The following SMURF2 variants were observed in gnomAD, a reference collection of about 807,000 sequenced individuals.
SMURF2 encodes SMAD specific E3 ubiquitin protein ligase 2.
In SMURF2, 48 loss-of-function variants were observed where a neutral mutation model predicts 109.6. The observed-to-expected ratio is 0.44, with a 90% confidence interval of 0.35 to 0.56. The LOEUF is 0.56. Among genes scored for constraint, SMURF2 ranks in the 20% least tolerant of loss-of-function variants. The pLI, the probability that SMURF2 is intolerant of heterozygous loss-of-function variation, is 0.01. For synonymous variants in SMURF2, 288 were observed against 317.1 expected, an observed-to-expected ratio of 0.91 and a Z score of 0.97; for missense variants, 575 against 909.0, an observed-to-expected ratio of 0.63 and a Z score of 4.72.
chr17:64,613,049 T>C (rs1970067052), intron 1 of SMURF2, among the ~76,000 whole-genome samples: 2 of 152,250 alleles, frequency 1.3e-5, no homozygotes, highest in South Asian at 4.1e-4. Context: ...GATTTGTAAC[T>C]TTTAAAAGGA....
At chr17:64,641,413 A>T (rs1555692547) in intron 1 of SMURF2, among the ~76,000 whole-genome samples, 1 of 152,240 alleles carries the variant, frequency 6.6e-6, no homozygotes, top group Non-Finnish European at 1.5e-5. Context: ...CAATTTTTTA[A>T]ATGGCTGCAA....
At chr17:64,615,971 A>G (rs1970115206) in intron 1 of SMURF2, among the ~76,000 whole-genome samples, 1 of 152,090 alleles carries the variant, frequency 6.6e-6, no homozygotes, top group Non-Finnish European at 1.5e-5. Context: ...CTGGGATTAC[A>G]GGCATGCGCC....
chr17:64,568,563 G>A (rs2144616739), intron 10 of SMURF2, among the ~76,000 whole-genome samples: 1 of 152,310 alleles, frequency 6.6e-6, no homozygotes, highest in Non-Finnish European at 1.5e-5. Context: ...GTCTTCTTAA[G>A]TAATTCAAAG....
intron 1 of SMURF2, among the ~76,000 whole-genome samples, chr17:64,659,292 T>C (rs1454152809): frequency 1.3e-5 from 2 of 152,166 alleles, no homozygotes; most frequent in East Asian, 3.8e-4. Flanking sequence ...AGGTACTCTA[T>C]AAATTTAAAA....
In SMURF2 at chr17:64,646,383, T is replaced by C. The variant is rs574614615; in HGVS notation, c.52+15446A>G. 2.8e-5 allele frequency among the ~76,000 whole-genome samples: 3 copies of C among 107,252 alleles called. No individual in the cohort carries two copies. The East Asian group carries it at 6.6e-4, about 24-fold the overall frequency. 70.4% of individuals were successfully genotyped at this position (107,252 alleles called of 152,430 possible). A position where few individuals can be genotyped will look rare whatever the true frequency, so the allele number is the denominator to read the frequency against. On this transcript the variant is annotated intron_variant, in intron 1 of 18. Transcript: ENST00000262435. ...AATTTTTCTTTTTTTTTTTCTTTCT[T>C]TTTTTTTTTTTTTAAATTGAGACAA...
chr17:64,574,516 A>T (rs985002574), intron 9 of SMURF2, among the ~76,000 whole-genome samples: 6 of 152,240 alleles, frequency 3.9e-5, no homozygotes, highest in African/African-American at 1.4e-4. Context: ...CTGACTTTGC[A>T]ATTTTATAAA....
chr17:64,569,855 G>A (rs1046825274), intron 10 of SMURF2, among the ~76,000 whole-genome samples: 1 of 152,188 alleles, frequency 6.6e-6, no homozygotes, highest in African/African-American at 2.4e-5. Flanking sequence ...CTAGAGCAGT[G>A]TTACTCAAAG....
At chr17:64,602,763 C>A (rs1598290664) in intron 2 of SMURF2, among the ~76,000 whole-genome samples, 2 of 152,096 alleles carry the variant, frequency 1.3e-5, no homozygotes, top group East Asian at 1.9e-4. Flanking sequence ...CACATCTCTA[C>A]TAAAAATACA....
intron 9 of SMURF2, among the ~76,000 whole-genome samples, chr17:64,573,848 G>T (rs888834969): frequency 6.6e-6 from 1 of 152,160 alleles, no homozygotes; most frequent in African/African-American, 2.4e-5. Context: ...GGAGCTGGAG[G>T]ACATTATCCT....
At chr17:64,643,216 T>C (rs930434183) in intron 1 of SMURF2, among the ~76,000 whole-genome samples, 1 of 151,504 alleles carries the variant, frequency 6.6e-6, no homozygotes, top group Admixed American at 6.6e-5. Context: ...AGAGTCGGAG[T>C]TTTGCCATGT....
intron 15 of SMURF2, among the ~76,000 whole-genome samples, chr17:64,553,677 A>G (rs1969077805): frequency 6.6e-6 from 1 of 152,196 alleles, no homozygotes; most frequent in Admixed American, 6.5e-5. Context: ...CCATTTTAGT[A>G]GTGTAACTTT....
chr17:64,581,241 T>A lies in SMURF2; in HGVS notation c.570-250A>T, dbSNP rs1427783516. ...GACTTTAATGACATTTGATATAAAA[T>A]CCATACGTATCTGTGGATGTGAGAC... is the stretch of plus-strand genomic sequence containing the variant. On this transcript the variant is annotated intron_variant, in intron 7 of 18. Transcript: ENST00000262435. The surrounding 1 kb of genome is among the most constrained non-coding windows in gnomAD (Gnocchi z 4.3). Among the ~76,000 whole-genome samples the A allele has an allele frequency of 2.0e-5, 3 of 152,180 alleles. No homozygotes were observed. Among genetic ancestry groups the A allele is most frequent in the Non-Finnish European group, 2.9e-5 (2 of 68,030 alleles).
intron 5 of SMURF2, among the ~76,000 whole-genome samples, chr17:64,589,518 T>A (rs565201626): frequency 1.3e-5 from 2 of 152,008 alleles, no homozygotes; most frequent in Middle Eastern, 3.4e-3. Flanking sequence ...CAGGGTCTGT[T>A]AGGAACCCGG....
intron 9 of SMURF2, chr17:64,573,154 AG>A (rs1969427662): frequency 4.0e-5 from 1 of 25,192 alleles, no homozygotes; most frequent in African/African-American, 2.0e-4. Flanking sequence ...GAGGAGGAGG[AG>A]GAGGAGGGGG....
chr17:64,551,536 C>A (rs1555683604), intron 16 of SMURF2, 48 bp downstream of exon 16: 2 of 1,582,244 alleles, frequency 1.3e-6, no homozygotes, highest in Admixed American at 1.7e-5. Flanking sequence ...AAATAATTCC[C>A]AATCCTTCCT....
chr17:64,606,218 A>G (rs1969968533), intron 2 of SMURF2, among the ~76,000 whole-genome samples: 1 of 152,192 alleles, frequency 6.6e-6, no homozygotes, highest in Admixed American at 6.5e-5. Flanking sequence ...CTACCTTCCA[A>G]TGAATCTTGA....
In SMURF2 at chr17:64,547,530, C is replaced by G. The variant is rs925934376; in HGVS notation, c.2071+70G>C. ...TCTAAGCACATGGTTTACAAAATATCTCCACAGACCCCACGCTGACAGCCC... is the reference window on the plus strand; with the variant it reads ...TCTAAGCACATGGTTTACAAAATATGTCCACAGACCCCACGCTGACAGCCC... On this transcript the variant is annotated intron_variant, in intron 17 of 18. Transcript: ENST00000262435. The surrounding 1 kb of genome is among the most constrained non-coding windows in gnomAD (Gnocchi z 4.2). The G allele has an allele frequency of 7.6e-7, 1 of 1,314,704 alleles. No individual in the cohort carries two copies. The highest frequency in any genetic ancestry group is 1.7e-5 in the Admixed American group (1 of 57,822). 81.4% of individuals were successfully genotyped at this position (1,314,704 alleles called of 1,614,324 possible).
intron 1 of SMURF2, among the ~76,000 whole-genome samples, chr17:64,619,966 T>TAC (rs1384970787): frequency 6.6e-6 from 1 of 152,170 alleles, no homozygotes; most frequent in Non-Finnish European, 1.5e-5. Context: ...TCCGAACTCA[T>TAC]ACACCCATTT....
At chr17:64,620,516 C>A (rs1970187503) in intron 1 of SMURF2, among the ~76,000 whole-genome samples, 1 of 152,150 alleles carries the variant, frequency 6.6e-6, no homozygotes, top group African/African-American at 2.4e-5. Context: ...GACTTTTCTG[C>A]CTTTGCCTTT....
Sources: gnomAD v4.1 joint callset for allele counts (sites outside exome capture counted in the v4.1 genomes callset) on GRCh38, gnomAD v4.1.1 for gene constraint, Gnocchi (gnomAD v3.1) non-coding constraint, MANE v1.5 for transcripts, NCBI Gene and HGNC (gene_info 2026-07-23, HGNC 2026-07-21) for gene names.